PCDHGA10: variants seen among roughly 807,000 people sequenced by gnomAD.
The protein encoded by PCDHGA10 is protocadherin gamma-A10.
Under a neutral mutation model 59.5 loss-of-function variants are expected in PCDHGA10, and 42 were observed. The ratio of observed to expected loss-of-function variants is 0.71; its 90% CI spans 0.55 to 0.91. The LOEUF (loss-of-function observed/expected upper bound fraction) is 0.91. PCDHGA10 is among the 40% of genes least tolerant of loss of function. The pLI, the probability that PCDHGA10 is intolerant of heterozygous loss-of-function variation, is 0.00. For synonymous variants in PCDHGA10, 511 were observed against 517.2 expected (o/e 0.99, Z 0.16); for missense variants, 1,111 against 1,198.2 (o/e 0.93, Z 1.07).
In PCDHGA10 at chr5:141,477,556, T is replaced by C. The variant is rs2099412953; in HGVS notation, c.2437-17251T>C. On this transcript the variant is annotated intron_variant, in intron 1 of 3. Transcript: ENST00000398610. The surrounding 1 kb of genome is among the most constrained non-coding windows in gnomAD (Gnocchi z 4.9). The stretch of plus-strand genomic sequence containing the variant: ...CCGGGGCTCCAATACTAAACCTAAG[T>C]GTCTGGGACCCCGACGCCCCGCAGA... 6.2e-7 allele frequency: 1 copy of C among 1,614,164 alleles called. No homozygotes were observed. The highest frequency in any genetic ancestry group is 1.1e-5 in the South Asian group (1 of 91,086).
chr5:141,414,576 G>A lies in PCDHGA10; in HGVS notation c.1401G>A (p.Glu467=). 1 of 1,613,898 alleles carries A rather than the reference G, an allele frequency of 6.2e-7. No individual in the cohort carries two copies. Among genetic ancestry groups the A allele is most frequent in the Non-Finnish European group, 8.5e-7 (1 of 1,179,892 alleles). Reference sequence around the variant, plus strand: ...TCTCCTACTTTACCTATATCCCAGAGAACAACGCCAGGGGTGCCTCCATCT... The same window carrying A: ...TCTCCTACTTTACCTATATCCCAGAAAACAACGCCAGGGGTGCCTCCATCT... The part of the protein sequence containing the change: ...SQVSYFTYIP[E]NNARGASIFS... The change falls in exon 1 of 4, where the codon GAG becomes GAA. Residue 467 remains glutamate (E), a synonymous_variant. Transcript: ENST00000398610.
intron 1 of PCDHGA10, chr5:141,428,910 A>C (rs956124609): frequency 1.3e-5 from 2 of 151,302 alleles, no homozygotes; most frequent in Non-Finnish European, 2.9e-5. Context: ...GCTGGAGTGC[A>C]GTGGCATGAT....
chr5:141,507,251 A>G (rs958917337), intron 3 of PCDHGA10: 3 of 152,400 alleles, frequency 2.0e-5, no homozygotes, highest in Non-Finnish European at 4.4e-5. Context: ...TGAATGTCAG[A>G]TAAACAGCAA....
At position 141,413,316 on chromosome 5, in the gene PCDHGA10, T is replaced by G. The variant is rs769316460; in HGVS notation, c.141T>G (p.Ser47=). Residue 47 remains serine, a synonymous_variant, in exon 1 of 4, where the codon TCT becomes TCG. Transcript: ENST00000398610. ...TTCCTGAGGAATTAGAGAAAGGCTCTTTCGTGGGCAACATCTCCAAGGACT... is the reference window on the plus strand; with the variant it reads ...TTCCTGAGGAATTAGAGAAAGGCTCGTTCGTGGGCAACATCTCCAAGGACT... ...YSIPEELEKG[S]FVGNISKDLG... 6.2e-7 allele frequency: 1 copy of G among 1,613,976 alleles called. No homozygotes were observed. The highest frequency in any genetic ancestry group is 1.1e-5 in the South Asian group (1 of 91,090).
At chr5:141,429,599 A>G (rs2097227286) in intron 1 of PCDHGA10, among the ~76,000 whole-genome samples, 1 of 152,238 alleles carries the variant, frequency 6.6e-6, no homozygotes, top group Non-Finnish European at 1.5e-5. Flanking sequence ...TAATTCAAGT[A>G]AACTCAATTT....
chr5:141,431,858 G>T lies in PCDHGA10; in HGVS notation c.2436+16247G>T, dbSNP rs1421209596. On this transcript the variant is annotated intron_variant, in intron 1 of 3. Coordinates refer to ENST00000398610, the MANE Select transcript of PCDHGA10 (RefSeq NM_018913.3). This position sits in a 1 kb window ranked among gnomAD's most constrained non-coding sequence, Gnocchi z 4.8. ...AAACTCTCCCAGAGGGACATTAATTGCCCTTTTAAATGTAAATGACCAAGA... is the reference window on the plus strand; with the variant it reads ...AAACTCTCCCAGAGGGACATTAATTTCCCTTTTAAATGTAAATGACCAAGA... 6.8e-6 allele frequency: 11 copies of T among 1,614,080 alleles called. No homozygotes were observed. The highest frequency in any genetic ancestry group is 8.5e-6 in the Non-Finnish European group (10 of 1,180,028).
At position 141,477,751 on chromosome 5, in the gene PCDHGA10, G is replaced by T; in HGVS notation, c.2437-17056G>T. 1.2e-6 allele frequency: 2 copies of T among 1,613,830 alleles called. No homozygotes were observed. Among genetic ancestry groups the T allele is most frequent in the Non-Finnish European group, 1.7e-6 (2 of 1,180,022 alleles). On this transcript the variant is annotated intron_variant, in intron 1 of 3. Coordinates refer to ENST00000398610, the MANE Select transcript of PCDHGA10 (RefSeq NM_018913.3). This position sits in a 1 kb window ranked among gnomAD's most constrained non-coding sequence, Gnocchi z 4.9. ...CTCATATCAGCGATGGGGGCACCCC[G>T]GTCCTAGCCACCAACATCAGCGTGA...
chr5:141,431,090 G>C lies in PCDHGA10; in HGVS notation c.2436+15479G>C. On this transcript the variant is annotated intron_variant, in intron 1 of 3. Transcript: ENST00000398610. The surrounding 1 kb of genome is among the most constrained non-coding windows in gnomAD (Gnocchi z 4.8). ...TCAATTAAATCTAGACATTCTGATG[G>C]AGGATAAAGTGAAAATATATGGAGT... is the stretch of plus-strand genomic sequence containing the variant. 6.2e-7 allele frequency: 1 copy of C among 1,614,246 alleles called. No homozygotes were observed. The highest frequency in any genetic ancestry group is 8.5e-7 in the Non-Finnish European group (1 of 1,180,032).
intron 1 of PCDHGA10, chr5:141,433,078 C>A (rs947684072): frequency 2.5e-5 from 40 of 1,614,144 alleles, no homozygotes; most frequent in Non-Finnish European, 3.3e-5. Context: ...TCCCCCAGCC[C>A]AACTATGCAG....
intron 1 of PCDHGA10, chr5:141,441,674 CT>C: frequency 3.4e-6 from 1 of 293,692 alleles, no homozygotes; most frequent in Non-Finnish European, 6.7e-6. Flanking sequence ...CACAGTGCGC[CT>C]TCGACCAAGA....
chr5:141,431,932 C>T lies in PCDHGA10; in HGVS notation c.2436+16321C>T. 2 of 1,614,172 alleles carry T rather than the reference C, an allele frequency of 1.2e-6. No individual in the cohort carries two copies. The highest frequency in any genetic ancestry group is 1.7e-6 in the Non-Finnish European group (2 of 1,180,002). On this transcript the variant is annotated intron_variant, in intron 1 of 3. Coordinates refer to ENST00000398610, the MANE Select transcript of PCDHGA10 (RefSeq NM_018913.3). This position sits in a 1 kb window ranked among gnomAD's most constrained non-coding sequence, Gnocchi z 4.8. The stretch of plus-strand genomic sequence containing the variant: ...TCTGTTTCATCCAAGGAAATCTGCC[C>T]TTTAAATTAGAAAAATCTTACGGAA...
At position 141,415,641 on chromosome 5, in the gene PCDHGA10, TAA is replaced by T. The variant is rs113784532; in HGVS notation, c.2436+40_2436+41del. On this transcript the variant is annotated intron_variant, in intron 1 of 3. Transcript: ENST00000398610. ...GTTTTATTTTCATTTTTACTTTTGT[TAA>T]AAAAAAAAAGATTGGTTTTTACTTT... is the stretch of plus-strand genomic sequence containing the variant. 3.1e-5 allele frequency: 40 copies of T among 1,280,748 alleles called. No homozygotes were observed. The African/African-American group carries it at 4.6e-4, about 15-fold the overall frequency. 79.3% of individuals were successfully genotyped at this position (1,280,748 alleles called of 1,614,324 possible).
Position 141,477,914 on chromosome 5 carries a change from G to T in PCDHGA10, c.2437-16893G>T. On this transcript the variant is annotated intron_variant, in intron 1 of 3. Coordinates refer to ENST00000398610, the MANE Select transcript of PCDHGA10 (RefSeq NM_018913.3). The surrounding 1 kb of genome is among the most constrained non-coding windows in gnomAD (Gnocchi z 4.9). ...ACGGGTGGTAGGCTGGGACGCGGAT[G>T]CAGGGCACAATGCCTGGCTCTCCTA... 2 of 1,614,204 alleles carry T rather than the reference G, an allele frequency of 1.2e-6. No homozygotes were observed. The highest frequency in any genetic ancestry group is 1.7e-6 in the Non-Finnish European group (2 of 1,180,044).
chr5:141,490,612 C>G lies in PCDHGA10; in HGVS notation c.2437-4195C>G, dbSNP rs1393568166. ...CAATGCACCCCGCTTCAACCAGCAG[C>G]TTTACACTGCTTACATCCTAGAAAA... On this transcript the variant is annotated intron_variant, in intron 1 of 3. Coordinates refer to ENST00000398610, the MANE Select transcript of PCDHGA10 (RefSeq NM_018913.3). This position sits in a 1 kb window ranked among gnomAD's most constrained non-coding sequence, Gnocchi z 5.4. The G allele has an allele frequency of 6.2e-7, 1 of 1,614,082 alleles. No homozygotes were observed. Among genetic ancestry groups the G allele is most frequent in the Non-Finnish European group, 8.5e-7 (1 of 1,180,032 alleles).
chr5:141,449,804 T>C (rs991937787), intron 1 of PCDHGA10, among the ~76,000 whole-genome samples: 2 of 151,676 alleles, frequency 1.3e-5, no homozygotes, highest in Non-Finnish European at 2.9e-5. Flanking sequence ...AAATACCTCA[T>C]TGTGTATTTC....
chr5:141,453,302 T>C (rs189741118), intron 1 of PCDHGA10, among the ~76,000 whole-genome samples: 18 of 152,008 alleles, frequency 1.2e-4, no homozygotes, highest in Middle Eastern at 6.8e-3. Flanking sequence ...TTTATTTATT[T>C]ATTTATTTAT....
Position 141,413,441 on chromosome 5 carries a change from T to A in PCDHGA10, c.266T>A (p.Ile89Asn). Residue 89 changes from isoleucine (I) to asparagine (N), a missense_variant, in exon 1 of 4, where the codon ATC becomes AAC. Ile to Asn is a moderately radical substitution (Grantham distance 149). Coordinates refer to ENST00000398610, the MANE Select transcript of PCDHGA10 (RefSeq NM_018913.3). ...CTGAACCCGCGCAGCGGCAGCTTGA[T>A]CACCGCGGGCAGGATAGACCGGGAG... ...FSLNPRSGSL[I>N]TAGRIDREEL... 1 of 1,614,056 alleles carries A rather than the reference T, an allele frequency of 6.2e-7. No homozygotes were observed. The highest frequency in any genetic ancestry group is 1.1e-5 in the South Asian group (1 of 91,090).
chr5:141,485,151 T>G lies in PCDHGA10; in HGVS notation c.2437-9656T>G. The G allele has an allele frequency of 2.5e-6, 4 of 1,584,876 alleles. No individual in the cohort carries two copies. Among genetic ancestry groups the G allele is most frequent in the Non-Finnish European group, 3.5e-6 (4 of 1,156,528 alleles). ...GCTTCATCCGCGTCTCAGGAGCAAG[T>G]AGAGAATTAGCGGGCGGCAGCAATG... On this transcript the variant is annotated intron_variant, in intron 1 of 3. Coordinates refer to ENST00000398610, the MANE Select transcript of PCDHGA10 (RefSeq NM_018913.3). The surrounding 1 kb of genome is among the most constrained non-coding windows in gnomAD (Gnocchi z 5.7).
chr5:141,467,993 C>A (rs984508296), intron 1 of PCDHGA10, among the ~76,000 whole-genome samples: 1 of 152,058 alleles, frequency 6.6e-6, no homozygotes, highest in Admixed American at 6.6e-5. Context: ...AACCACAATT[C>A]TTTCTTCCTC....
Sources: allele counts gnomAD v4.1 joint callset (sites outside exome capture counted in the v4.1 genomes callset), GRCh38; gene constraint gnomAD v4.1.1; non-coding constraint Gnocchi (gnomAD v3.1); transcripts MANE v1.5; gene names NCBI Gene and HGNC (gene_info 2026-07-23, HGNC 2026-07-21).